The following DNAH17 variants were observed in gnomAD, a reference collection of about 807,000 sequenced individuals.
DNAH17 encodes the protein axonemal beta dynein heavy chain 17.
A neutral mutation model predicts 485.6 loss-of-function variants in DNAH17; 376 were observed. The observed-to-expected ratio is 0.77, with a 90% confidence interval of 0.71 to 0.84. The LOEUF (loss-of-function observed/expected upper bound fraction) is 0.84. Among genes scored for constraint, DNAH17 ranks in the 40% least tolerant of loss-of-function variants. The probability of loss-of-function intolerance (pLI) is 0.00; values close to 1 mark genes in which losing one functional copy is unlikely to be tolerated. For synonymous variants in DNAH17, 3,031 were observed against 2,405.9 expected (o/e 1.26, Z -7.60); for missense variants, 6,370 against 5,839.3 (o/e 1.09, Z -2.96).
At position 78,461,763 on chromosome 17, in the gene DNAH17, G is replaced by A. The variant is rs908935347; in HGVS notation, c.9175-55C>T. The A allele has an allele frequency of 1.1e-5, 17 of 1,548,624 alleles. No homozygotes were observed. In the African/African-American group the frequency reaches 1.6e-4, roughly 15 times the overall value. ...GTGTGGGCCGCAGCCGACACACGCC[G>A]CCCTGCACTGGGCAGACGAGGGCTG... is the stretch of plus-strand genomic sequence containing the variant. On this transcript the variant is annotated intron_variant, in intron 57 of 80. Transcript: ENST00000389840.
chr17:78,451,300 A>G (rs1302177576), intron 66 of DNAH17, among the ~76,000 whole-genome samples, 169 bp downstream of exon 66: 2 of 152,258 alleles, frequency 1.3e-5, no homozygotes, highest in Non-Finnish European at 2.9e-5. Context: ...GAAATGAGCC[A>G]TCCTGTCGTA....
At chr17:78,492,147 T>C (rs921544650) in intron 42 of DNAH17, among the ~76,000 whole-genome samples, 9 of 152,192 alleles carry the variant, frequency 5.9e-5, no homozygotes, top group African/African-American at 1.9e-4. Context: ...ACCACCCTGC[T>C]CCCGCTGACT....
rs550883085 is a variant in DNAH17 at position 78,442,506 on chromosome 17, G to C, written c.11529-1307C>G. Among the ~76,000 whole-genome samples the C allele has an allele frequency of 1.8e-4, 28 of 152,350 alleles. No individual in the cohort carries two copies. The East Asian group carries it at 4.8e-3, about 26-fold the overall frequency. On this transcript the variant is annotated intron_variant, in intron 71 of 80. Transcript: ENST00000389840. ...AGATGCTGTGATCCTTGTCTAGGAA[G>C]GAACTTCCAGAACATATGAAGTCCT... is the stretch of plus-strand genomic sequence containing the variant.
intron 16 of DNAH17, among the ~76,000 whole-genome samples, chr17:78,544,953 T>G (rs904789977): frequency 2.6e-5 from 4 of 152,178 alleles, no homozygotes; most frequent in Non-Finnish European, 4.4e-5. Flanking sequence ...AAGTTTTTTT[T>G]GTCAAAAAAC....
Position 78,561,923 on chromosome 17 carries a change from GC to G in DNAH17, c.1626del (p.Arg544GlyfsTer13). On this transcript the variant is annotated frameshift_variant, in exon 12 of 81. Coordinates refer to ENST00000389840, the MANE Select transcript of DNAH17 (RefSeq NM_173628.4). LOFTEE classifies it high-confidence loss of function. Reference sequence around the variant, plus strand: ...AGCTCCAGCATGACTGAATACCTGGGCGCCACCTCGGCAAGAATCAGGGGCC... The same window carrying G: ...AGCTCCAGCATGACTGAATACCTGGGGCCACCTCGGCAAGAATCAGGGGCC... ...MERPLILAEV[A>X]PRYSVMLELF... 1 of 1,613,474 alleles carries G rather than the reference GC, an allele frequency of 6.2e-7. No individual in the cohort carries two copies. Among genetic ancestry groups the G allele is most frequent in the Non-Finnish European group, 8.5e-7 (1 of 1,179,656 alleles).
rs1454915728 is a variant in DNAH17, at chr17:78,495,959, A to G, written c.5819T>C (p.Ile1940Thr). The change falls in exon 38 of 81, where the codon ATT becomes ACT. Residue 1940 changes from isoleucine (I) to threonine (T), a missense_variant. Ile to Thr is a moderately conservative substitution (Grantham distance 89). Coordinates refer to ENST00000389840, the MANE Select transcript of DNAH17 (RefSeq NM_173628.4). ...FNFLGEIIGLIPTVGIFITMN... is the reference protein window; with the variant it reads ...FNFLGEIIGLTPTVGIFITMN... Reference sequence around the variant, plus strand: ...GGTGATGAAGATACCGACGGTGGGAATGAGGCCTATGATCTCTCCCAGGAA... The same window carrying G: ...GGTGATGAAGATACCGACGGTGGGAGTGAGGCCTATGATCTCTCCCAGGAA... The G allele has an allele frequency of 6.2e-7, 1 of 1,613,944 alleles. No homozygotes were observed. The highest frequency in any genetic ancestry group is 1.7e-5 in the Admixed American group (1 of 60,010).
chr17:78,575,662 G>A (rs942885263), intron 1 of DNAH17, among the ~76,000 whole-genome samples: 1 of 151,992 alleles, frequency 6.6e-6, no homozygotes, highest in African/African-American at 2.4e-5. Flanking sequence ...TAAAAGAATC[G>A]AGCTGCAAAT....
rs749162191 is a variant in DNAH17 at position 78,427,037 on chromosome 17, C to G, written c.12660G>C (p.Lys4220Asn). ...ETFNMAEIMA[K>N]AAEKTPYVVV... ...CCACGTAGGGGGTCTTTTCCGCTGC[C>G]TTTGCCATGATCTCAGCCATGTTGA... The change falls in exon 78 of 81, where the codon AAG becomes AAC. Residue 4220 changes from lysine to asparagine, a missense_variant. By Grantham distance (94) the Lys-to-Asn change is moderately conservative. Transcript: ENST00000389840. 1 of 1,604,440 alleles carries G rather than the reference C, an allele frequency of 6.2e-7. No individual in the cohort carries two copies. The highest frequency in any genetic ancestry group is 8.5e-7 in the Non-Finnish European group (1 of 1,175,594).
At chr17:78,539,628 T>A (rs1375948704) in intron 18 of DNAH17, 109 bp downstream of exon 18, 10 of 988,822 alleles carry the variant, frequency 1.0e-5, no homozygotes, top group Non-Finnish European at 1.1e-5. Context: ...TATATTTTAA[T>A]AAGTCTATTT....
intron 11 of DNAH17, among the ~76,000 whole-genome samples, chr17:78,562,777 AG>A (rs2092184799): frequency 2.6e-5 from 4 of 152,224 alleles, no homozygotes; most frequent in Admixed American, 2.6e-4. Context: ...GCCACTCTCA[AG>A]GGCAGCTGAG....
At chr17:78,574,124 A>C (rs1180574886) in intron 2 of DNAH17, among the ~76,000 whole-genome samples, 2 of 152,206 alleles carry the variant, frequency 1.3e-5, no homozygotes, top group Non-Finnish European at 2.9e-5. Flanking sequence ...AATGCTGTCC[A>C]GAGAGAACAA....
rs148341714 is a variant in DNAH17 at position 78,460,225 on chromosome 17, T to A, written c.9372A>T (p.Thr3124=). The change falls in exon 59 of 81, where the codon ACA becomes ACT. Residue 3124 remains threonine (T), a synonymous_variant. Transcript: ENST00000389840. ...GGGCCGGTTCTGCTTTGGCCAGGTC[T>A]GTTTCACAGGCCTTTTGCTTCTCAG... is the stretch of plus-strand genomic sequence containing the variant. ...NVTEKQKACE[T]DLAKAEPALL... 6 of 1,606,124 alleles carry A rather than the reference T, an allele frequency of 3.7e-6. No individual in the cohort carries two copies. In the African/African-American group the frequency reaches 6.7e-5, roughly 18 times the overall value.
intron 65 of DNAH17, among the ~76,000 whole-genome samples, chr17:78,452,398 G>C (rs1213182470): frequency 6.6e-6 from 1 of 152,120 alleles, no homozygotes; most frequent in Non-Finnish European, 1.5e-5. Flanking sequence ...CCATCAAGAG[G>C]AATGAAGGAC....
rs1269643450 is a variant in DNAH17, at chr17:78,495,879, A to C, written c.5899T>G (p.Phe1967Val). Reference sequence around the variant, plus strand: ...ACTTTCACCTGGGCCACGTACCTGAATAAGGCTTTTAGGTTCTCAGGCAGC... The same window carrying C: ...ACTTTCACCTGGGCCACGTACCTGACTAAGGCTTTTAGGTTCTCAGGCAGC... Reference protein sequence around the residue: ...AELPENLKALFRPCAMVVPDF... With the variant: ...AELPENLKALVRPCAMVVPDF... The change falls in exon 38 of 81, where the codon TTC becomes GTC. Residue 1967 changes from phenylalanine to valine, a missense_variant. By Grantham distance (50) the Phe-to-Val change is conservative. Transcript: ENST00000389840. The C allele has an allele frequency of 6.2e-7, 1 of 1,613,064 alleles. No individual in the cohort carries two copies. Among genetic ancestry groups the C allele is most frequent in the South Asian group, 1.1e-5 (1 of 91,000 alleles).
At chr17:78,542,763 T>G (rs2091632935) in intron 17 of DNAH17, among the ~76,000 whole-genome samples, 1 of 152,200 alleles carries the variant, frequency 6.6e-6, no homozygotes, top group Non-Finnish European at 1.5e-5. Context: ...AAAGCAGGCG[T>G]GCATTATCAC....
At chr17:78,469,852 C>G (rs1190312620) in intron 54 of DNAH17, among the ~76,000 whole-genome samples, 3 of 152,138 alleles carry the variant, frequency 2.0e-5, no homozygotes, top group Admixed American at 6.5e-5. Context: ...ATTCCACTTA[C>G]ATGAGGTCCC....
At chr17:78,512,840 C>T (rs1006300342) in intron 26 of DNAH17, among the ~76,000 whole-genome samples, 1 of 147,658 alleles carries the variant, frequency 6.8e-6, no homozygotes, top group Admixed American at 7.0e-5. Context: ...ACTCAGGAGG[C>T]TGAATCAGGA....
chr17:78,449,708 T>G, intron 68 of DNAH17, 124 bp from the exon 69 acceptor site: 2 of 1,008,232 alleles, frequency 2.0e-6, no homozygotes, highest in South Asian at 1.6e-5. Flanking sequence ...GACAGAGTCT[T>G]GCTCTGTCGC....
intron 74 of DNAH17, among the ~76,000 whole-genome samples, chr17:78,434,893 CTGTG>C (rs1248703271): frequency 6.6e-6 from 1 of 152,186 alleles, no homozygotes; most frequent in African/African-American, 2.4e-5. Context: ...GCCAGGCACT[CTGTG>C]TGGGGGGAGG....
Sources: allele counts gnomAD v4.1 joint callset (sites outside exome capture counted in the v4.1 genomes callset), GRCh38; gene constraint gnomAD v4.1.1; transcripts MANE v1.5; gene names NCBI Gene and HGNC (gene_info 2026-07-23, HGNC 2026-07-21).